NLRP7: variants seen among roughly 807,000 people sequenced by gnomAD.
NLRP7 encodes NLR family pyrin domain containing 7, also known as NACHT, LRR and PYD domains-containing protein 7.
Under a neutral mutation model 85.5 loss-of-function variants are expected in NLRP7, and 72 were observed. That is an observed-to-expected ratio of 0.84 (90% CI 0.70 to 1.02). The LOEUF is 1.02. Ranked by LOEUF, NLRP7 falls within the 50% of genes least tolerant of loss-of-function variation. The pLI, the probability that NLRP7 is intolerant of heterozygous loss-of-function variation, is 0.00. For missense variants in NLRP7, 1,243 were observed against 1,219.5 expected (o/e 1.02, Z -0.29); for synonymous variants, 550 against 505.2 (o/e 1.09, Z -1.19).
intron 1 of NLRP7, among the ~76,000 whole-genome samples, chr19:54,946,114 C>A (rs1377895695): frequency 6.7e-6 from 1 of 149,212 alleles, no homozygotes; most frequent in Non-Finnish European, 1.5e-5. Context: ...TCTATGTTGG[C>A]CAGGCTGGCC....
At chr19:54,952,507 T>C (rs1186365805) in intron 1 of NLRP7, among the ~76,000 whole-genome samples, 3 of 151,776 alleles carry the variant, frequency 2.0e-5, no homozygotes, top group East Asian at 1.9e-4. Flanking sequence ...GGCAAGAGAA[T>C]TACTTGAACC....
At chr19:54,951,708 A>C (rs1001708316), upstream of NLRP7, among the ~76,000 whole-genome samples, 3 of 151,782 alleles carry the variant, frequency 2.0e-5, no homozygotes, top group Non-Finnish European at 4.4e-5. Context: ...TTGCCTCCTC[A>C]TCATTGCTGT....
rs776085217 is a variant in NLRP7, at chr19:54,927,622, T to A, written c.2810+2877A>T. On this transcript the variant is annotated intron_variant, in intron 9 of 9. Transcript: ENST00000340844. The stretch of plus-strand genomic sequence containing the variant: ...ACCCATACCTGAGTATCTTCAAGGA[T>A]CCAGTTCTTTGTCTTAGAACCCCAA... 3.1e-6 allele frequency: 5 copies of A among 1,613,988 alleles called. No homozygotes were observed. The Admixed American group carries it at 8.3e-5, about 27-fold the overall frequency.
chr19:54,963,846 A>C (rs2070166120), intron 1 of NLRP7, among the ~76,000 whole-genome samples: 1 of 149,414 alleles, frequency 6.7e-6, no homozygotes, highest in African/African-American at 2.4e-5. Flanking sequence ...AGCAAAACAA[A>C]CAAAGAAACA....
At chr19:54,962,792 G>C (rs1317524401) in intron 1 of NLRP7, among the ~76,000 whole-genome samples, 2 of 149,670 alleles carry the variant, frequency 1.3e-5, no homozygotes, top group African/African-American at 4.9e-5. Context: ...GTAGAGACGG[G>C]GTTTCACCGT....
At chr19:54,932,093 C>T (rs978517146) in intron 8 of NLRP7, among the ~76,000 whole-genome samples, 5 of 152,050 alleles carry the variant, frequency 3.3e-5, no homozygotes, top group Admixed American at 2.6e-4. Context: ...GGTGCAGGTA[C>T]ACTTCGTATA....
intron 8 of NLRP7, 77 bp from the exon 9 acceptor site, chr19:54,930,743 T>C: frequency 8.3e-7 from 1 of 1,200,444 alleles, no homozygotes; most frequent in Non-Finnish European, 1.2e-6. Context: ...TCCAACACTA[T>C]ATACCTTCCA....
At chr19:54,945,652 G>A (rs2069437430) in intron 1 of NLRP7, among the ~76,000 whole-genome samples, 1 of 151,926 alleles carries the variant, frequency 6.6e-6, no homozygotes, top group African/African-American at 2.4e-5. Flanking sequence ...AGGCTGGAGT[G>A]CAGTGGCACA....
chr19:54,962,414 T>A (rs765888127), intron 1 of NLRP7, among the ~76,000 whole-genome samples: 46 of 148,768 alleles, frequency 3.1e-4, no homozygotes, highest in Admixed American at 1.8e-3. Flanking sequence ...ATTACAGGCA[T>A]CTGCCACTAC....
intron 5 of NLRP7, 41 bp downstream of exon 5, chr19:54,938,003 C>T: frequency 6.8e-7 from 1 of 1,476,140 alleles, no homozygotes; most frequent in Non-Finnish European, 9.5e-7. Flanking sequence ...GAAGCTTAGT[C>T]ATCGTTCAGG....
intron 8 of NLRP7, among the ~76,000 whole-genome samples, chr19:54,931,009 C>A (rs1046409582): frequency 6.6e-6 from 1 of 151,932 alleles, no homozygotes; most frequent in African/African-American, 2.4e-5. Context: ...GGCGACAGAG[C>A]GAGACTCCGT....
rs184125913 is a variant in NLRP7, at chr19:54,929,185, A to G, written c.2810+1314T>C. 8.5e-3 allele frequency among the ~76,000 whole-genome samples: 1,290 copies of G among 152,168 alleles called. 12 individuals carry two copies. The highest frequency in any genetic ancestry group is 0.013 in the Non-Finnish European group (862 of 67,984). On this transcript the variant is annotated intron_variant, in intron 9 of 9. Coordinates refer to ENST00000340844, the Ensembl canonical transcript of NLRP7. ...GGAGTTTGAGACCAGTCTGGCTAAC[A>G]TGGTGAAACCTGGTCTCTACTAAAA... is the stretch of plus-strand genomic sequence containing the variant.
intron 8 of NLRP7, among the ~76,000 whole-genome samples, 178 bp downstream of exon 8, chr19:54,933,391 C>G (rs887072489): frequency 6.6e-6 from 1 of 152,084 alleles, no homozygotes; most frequent in East Asian, 1.9e-4. Context: ...ATGATCCACC[C>G]GCCTCGGCCT....
chr19:54,938,031 A>T lies in NLRP7; in HGVS notation c.2129+13T>A. On this transcript the variant is annotated intron_variant, in intron 5 of 9. Coordinates refer to ENST00000340844, the Ensembl canonical transcript of NLRP7. The stretch of plus-strand genomic sequence containing the variant: ...CGTTCAGGGTCTTCCTTGCAAGATG[A>T]GCTTCTACTTACTCCACTTTCTGCA... 1.9e-6 allele frequency: 3 copies of T among 1,606,138 alleles called. No individual in the cohort carries two copies. Among genetic ancestry groups the T allele is most frequent in the Non-Finnish European group, 2.6e-6 (3 of 1,172,814 alleles).
Position 54,934,511 on chromosome 19 carries a change from T to C in NLRP7, c.2449A>G (p.Lys817Glu), listed in dbSNP as rs201962751. The change falls in exon 7 of 10, where the codon AAA (lysine) becomes GAA (glutamate). Residue 817 changes from lysine to glutamate, a missense_variant. Coordinates refer to ENST00000340844, the Ensembl canonical transcript of NLRP7. This position sits in a 1 kb window ranked among gnomAD's most constrained non-coding sequence, Gnocchi z 6.7. ...TACGACAACATCTGCAGGAAGTGTT[T>C]TGGGCGTGTCATGGTCTTGTACAGC... The C allele has an allele frequency of 3.4e-5, 55 of 1,614,022 alleles. No individual in the cohort carries two copies. The highest frequency in any genetic ancestry group is 5.3e-5 in the African/African-American group (4 of 74,906).
intron 9 of NLRP7, among the ~76,000 whole-genome samples, chr19:54,925,691 TAGA>T: frequency 6.6e-6 from 1 of 152,008 alleles, no homozygotes; most frequent in South Asian, 2.1e-4. Flanking sequence ...AAACTAAAGG[TAGA>T]TTACGTTAAA....
At chr19:54,941,748 G>T (rs760825451) in exon 2 of NLRP7, 1 of 1,589,094 alleles carries the variant, frequency 6.3e-7, no homozygotes, top group Non-Finnish European at 8.5e-7. Context: ...TAAGGCTGAA[G>T]AACTGGGGGG....
At chr19:54,941,719 C>T (rs780912799) in exon 2 of NLRP7, 34 of 1,611,040 alleles carry the variant, frequency 2.1e-5, no homozygotes, top group Admixed American at 1.3e-4. Context: ...CATAGTGCTC[C>T]GAGTATGAGA....
At chr19:54,943,036 A>G (rs769363036) in intron 1 of NLRP7, among the ~76,000 whole-genome samples, 143 of 151,988 alleles carry the variant, frequency 9.4e-4, no homozygotes, top group Non-Finnish European at 1.8e-3. Context: ...AATCCCAGGT[A>G]CGTGGGAGGC....
Sources: gnomAD v4.1 joint callset for allele counts (sites outside exome capture counted in the v4.1 genomes callset) on GRCh38, gnomAD v4.1.1 for gene constraint, Gnocchi (gnomAD v3.1) non-coding constraint, MANE v1.5 for transcripts, NCBI Gene and HGNC (gene_info 2026-07-23, HGNC 2026-07-21) for gene names.